The following EXD3 variants were observed in gnomAD, a reference collection of about 807,000 sequenced individuals.
The protein encoded by EXD3 is exonuclease 3'-5' domain containing 3.
EXD3 carries 92 observed loss-of-function variants against 98.0 expected under a neutral mutation model. The ratio of observed to expected loss-of-function variants is 0.94; its 90% CI spans 0.79 to 1.12. The LOEUF (loss-of-function observed/expected upper bound fraction) is 1.12. Ranked by LOEUF, EXD3 falls within the 50% of genes most tolerant of loss-of-function variation. The probability of loss-of-function intolerance (pLI) is 0.00; values close to 1 mark genes in which losing one functional copy is unlikely to be tolerated. For missense variants in EXD3, 1,222 were observed against 1,191.6 expected (o/e 1.03, Z -0.38); for synonymous variants, 569 against 526.0 (o/e 1.08, Z -1.12).
At chr9:137,363,325 G>T (rs1835076841) in intron 7 of EXD3, among the ~76,000 whole-genome samples, 1 of 134,156 alleles carries the variant, frequency 7.5e-6, no homozygotes, top group African/African-American at 2.8e-5. Context: ...TACAGGATTG[G>T]TGCAATTTCC....
chr9:137,318,411 A>C (rs928469337), intron 19 of EXD3, among the ~76,000 whole-genome samples: 1 of 151,864 alleles, frequency 6.6e-6, no homozygotes, highest in African/African-American at 2.4e-5. Flanking sequence ...GCCCACTTCC[A>C]AGGGGCTGAC....
intron 17 of EXD3, among the ~76,000 whole-genome samples, chr9:137,330,462 C>A (rs1478999195): frequency 1.4e-5 from 2 of 141,314 alleles, no homozygotes; most frequent in African/African-American, 5.5e-5. Context: ...AGGAGCTACA[C>A]AGGACTACAA....
chr9:137,380,761 T>C (rs1210809231), intron 3 of EXD3, among the ~76,000 whole-genome samples: 2 of 135,770 alleles, frequency 1.5e-5, no homozygotes, highest in Non-Finnish European at 3.1e-5. Flanking sequence ...ACGGCTTCAG[T>C]AGTGGGGCTG....
intron 10 of EXD3, chr9:137,353,175 C>T: frequency 1.0e-5 from 10 of 984,092 alleles, no homozygotes; most frequent in Non-Finnish European, 1.2e-5. Context: ...GCTGACCTTC[C>T]TGGCCTCCAA....
chr9:137,351,795 G>A (rs762750821), intron 12 of EXD3, among the ~76,000 whole-genome samples: 5 of 152,224 alleles, frequency 3.3e-5, no homozygotes, highest in Non-Finnish European at 5.9e-5. Flanking sequence ...GTGTCAGGGA[G>A]GCACCCCACG....
chr9:137,406,402 C>A (rs1323576025), intron 1 of EXD3, among the ~76,000 whole-genome samples: 1 of 151,966 alleles, frequency 6.6e-6, no homozygotes. Flanking sequence ...GAGCTGGGGG[C>A]TGAGTGCAGC....
At chr9:137,414,706 C>T in intron 1 of EXD3, among the ~76,000 whole-genome samples, 1 of 152,088 alleles carries the variant, frequency 6.6e-6, no homozygotes, top group Non-Finnish European at 1.5e-5. Context: ...CAATTTTAAA[C>T]ACAAAAAGTA....
chr9:137,386,622 C>T (rs1836603199), intron 2 of EXD3, among the ~76,000 whole-genome samples: 2 of 152,150 alleles, frequency 1.3e-5, no homozygotes, highest in African/African-American at 2.4e-5. Flanking sequence ...TGGACTCCAC[C>T]GTGGCCCCTC....
chr9:137,331,348 C>G (rs1233874592), intron 17 of EXD3, among the ~76,000 whole-genome samples: 1 of 152,002 alleles, frequency 6.6e-6, no homozygotes, highest in African/African-American at 2.4e-5. Flanking sequence ...TGCAACAAGA[C>G]AAGGATGCCC....
At chr9:137,350,713 G>C (rs540851239) in intron 14 of EXD3, among the ~76,000 whole-genome samples, 2 of 151,772 alleles carry the variant, frequency 1.3e-5, no homozygotes, top group South Asian at 2.1e-4. Flanking sequence ...ATCACGGGGA[G>C]GGGGCTAGAT....
intron 5 of EXD3, among the ~76,000 whole-genome samples, chr9:137,368,772 C>G (rs1345391309): frequency 3.3e-5 from 5 of 150,368 alleles, no homozygotes; most frequent in Non-Finnish European, 7.4e-5. Flanking sequence ...CCCTGCGCAG[C>G]GCTGACCCGG....
rs778070525 is a variant in EXD3, at chr9:137,349,082, C to CA, written c.1830+27dup. ...GGATCTCCTTCCCCAAGAATGCTGA[C>CA]AAACGGACCCTGCGGGGCTTCACCC... On this transcript the variant is annotated intron_variant, in intron 16 of 21. Coordinates refer to ENST00000340951, the MANE Select transcript of EXD3 (RefSeq NM_017820.5). This position sits in a 1 kb window ranked among gnomAD's most constrained non-coding sequence, Gnocchi z 7.4. 11 of 1,561,388 alleles carry CA rather than the reference C, an allele frequency of 7.0e-6. No individual in the cohort carries two copies. The highest frequency in any genetic ancestry group is 9.5e-6 in the Non-Finnish European group (11 of 1,159,754).
At chr9:137,386,809 G>C (rs1489340924) in intron 2 of EXD3, among the ~76,000 whole-genome samples, 57 of 114,988 alleles carry the variant, frequency 5.0e-4, no homozygotes, top group South Asian at 8.5e-4. Flanking sequence ...TCCCTGCCTG[G>C]CCCCCTCAGC....
chr9:137,374,289 G>A (rs1181743609), intron 3 of EXD3, among the ~76,000 whole-genome samples: 1 of 152,274 alleles, frequency 6.6e-6, no homozygotes, highest in African/African-American at 2.4e-5. Context: ...GCTCGGGACA[G>A]GGCGCAGCAG....
intron 19 of EXD3, among the ~76,000 whole-genome samples, chr9:137,312,436 A>T (rs1031721476): frequency 3.3e-5 from 5 of 152,154 alleles, no homozygotes; most frequent in African/African-American, 4.8e-5. Flanking sequence ...GACACAGGGC[A>T]CTTCCGCCCG....
At chr9:137,323,955 G>T in intron 18 of EXD3, 99 bp from the exon 19 acceptor site, 2 of 1,526,050 alleles carry the variant, frequency 1.3e-6, no homozygotes, top group South Asian at 2.5e-5. Flanking sequence ...GCCTTCTCTC[G>T]GCCCACCAGG....
At chr9:137,410,736 G>A (rs1837955335) in intron 1 of EXD3, among the ~76,000 whole-genome samples, 2 of 152,164 alleles carry the variant, frequency 1.3e-5, no homozygotes, top group South Asian at 4.1e-4. Flanking sequence ...TGGCATGGAG[G>A]AGGTGACCCA....
At chr9:137,320,893 C>A (rs1831995674) in intron 19 of EXD3, among the ~76,000 whole-genome samples, 1 of 152,212 alleles carries the variant, frequency 6.6e-6, no homozygotes, top group Non-Finnish European at 1.5e-5. Context: ...ATCCTGGGGT[C>A]TTTACAGCGC....
chr9:137,364,616 T>TAA (rs201861821), intron 7 of EXD3, among the ~76,000 whole-genome samples: 5 of 147,572 alleles, frequency 3.4e-5, no homozygotes, highest in Admixed American at 6.7e-5. Context: ...AGGCTTCATC[T>TAA]AAAAAAAAAA....
Sources: allele counts gnomAD v4.1 joint callset (sites outside exome capture counted in the v4.1 genomes callset), GRCh38; gene constraint gnomAD v4.1.1; non-coding constraint Gnocchi (gnomAD v3.1); transcripts MANE v1.5; gene names NCBI Gene and HGNC (gene_info 2026-07-23, HGNC 2026-07-21).